The following TOMM20L variants were observed in gnomAD, a reference collection of about 807,000 sequenced individuals.
TOMM20L encodes the protein translocase of outer mitochondrial membrane 20 like, also known as TOMM20-like protein 1.
In TOMM20L, 19 loss-of-function variants were observed where a neutral mutation model predicts 20.4. The observed-to-expected ratio is 0.93, with a 90% CI of 0.65 to 1.36. The LOEUF (loss-of-function observed/expected upper bound fraction) is 1.36, where lower values mean the gene tolerates loss of function less well. TOMM20L is among the 40% of genes most tolerant of loss of function. The pLI is 0.00. For synonymous variants in TOMM20L, 75 were observed against 79.6 expected (o/e 0.94, Z 0.30); for missense variants, 218 against 203.7 (o/e 1.07, Z -0.43).
In TOMM20L at chr14:58,395,962, C is replaced by CCTCCGTCCG; in HGVS notation, c.10_18dup (p.Val4_Ser6dup). On this transcript the variant is annotated inframe_insertion, in exon 1 of 5. Coordinates refer to ENST00000360945, the MANE Select transcript of TOMM20L (RefSeq NM_207377.3). ...TTGTGGGACGCCCGCGGTCGGATGC[C>CCTCCGTCCG]CTCCGTCCGCTCCCTCCTCCGCCTC... 1 of 1,438,462 alleles carries CCTCCGTCCG rather than the reference C, an allele frequency of 7.0e-7. No individual in the cohort carries two copies. 89.1% of individuals were successfully genotyped at this position (1,438,462 alleles called of 1,614,324 possible).
intron 2 of TOMM20L, among the ~76,000 whole-genome samples, chr14:58,400,808 G>A (rs1220370156): frequency 3.3e-5 from 5 of 151,600 alleles, no homozygotes; most frequent in African/African-American, 1.2e-4. Context: ...AACCCGAGAG[G>A]CAGAGGTTGC....
chr14:58,401,855 C>T (rs1022740927), intron 2 of TOMM20L, among the ~76,000 whole-genome samples: 3 of 152,198 alleles, frequency 2.0e-5, no homozygotes, highest in Non-Finnish European at 2.9e-5. Context: ...CAACCCCCAA[C>T]CAGGTCCTTT....
Position 58,396,346 on chromosome 14 carries a change from A to G in TOMM20L, c.180+5A>G, listed in dbSNP as rs1174548631. On this transcript the variant is annotated splice_donor_5th_base_variant and intron_variant, in intron 2 of 4. Coordinates refer to ENST00000360945, the MANE Select transcript of TOMM20L (RefSeq NM_207377.3). ...GCTGAGGAGCAGGGCACGCAGGTGCAGTGCTTTCGATCCGCACAGGTAGCT... is the reference window on the plus strand; with the variant it reads ...GCTGAGGAGCAGGGCACGCAGGTGCGGTGCTTTCGATCCGCACAGGTAGCT... 5 of 1,613,198 alleles carry G rather than the reference A, an allele frequency of 3.1e-6. No individual in the cohort carries two copies. In the African/African-American group the frequency reaches 4.0e-5, roughly 13 times the overall value.
chr14:58,413,833 C>A, the TOMM20L span, among the ~76,000 whole-genome samples: 1 of 150,748 alleles, frequency 6.6e-6, no homozygotes, highest in African/African-American at 2.4e-5. Context: ...CAGTGAAACC[C>A]CGTCTTTACT....
intron 2 of TOMM20L, chr14:58,399,000 A>G (rs925987356): frequency 6.6e-6 from 1 of 151,904 alleles, no homozygotes; most frequent in Non-Finnish European, 1.5e-5. Context: ...TGATTCTCCC[A>G]CCTCAGTCTC....
rs2036100873 is a variant in TOMM20L at position 58,408,423 on chromosome 14, A to C, written c.406-106A>C. 4.5e-6 allele frequency: 5 copies of C among 1,101,738 alleles called. No individual in the cohort carries two copies. In the East Asian group the frequency reaches 7.5e-5, roughly 17 times the overall value. The allele number at this position is 1,101,738 out of a possible 1,614,324, so 68.2% of individuals were successfully genotyped here. On this transcript the variant is annotated intron_variant, in intron 4 of 4. Coordinates refer to ENST00000360945, the MANE Select transcript of TOMM20L (RefSeq NM_207377.3). ...CGAAAGCAAAACTCCGTCTCAAAAA[A>C]AAAAAAAAAGAAAAGTATATGTAAT... is the stretch of plus-strand genomic sequence containing the variant.
At chr14:58,397,199 G>A (rs1435216098) in intron 2 of TOMM20L, among the ~76,000 whole-genome samples, 1 of 152,238 alleles carries the variant, frequency 6.6e-6, no homozygotes, top group Non-Finnish European at 1.5e-5. Context: ...ACGTCTGTGT[G>A]ATCTGGGATT....
rs553829248 is a variant in TOMM20L, at chr14:58,400,844, C to G, written c.181-1836C>G. On this transcript the variant is annotated intron_variant, in intron 2 of 4. Transcript: ENST00000360945. Reference sequence around the variant, plus strand: ...AGTGAGTCAAGACTGCACCACTGCACTCCAGCTTGGGCAACAGAGCAAGAC... The same window carrying G: ...AGTGAGTCAAGACTGCACCACTGCAGTCCAGCTTGGGCAACAGAGCAAGAC... Among the ~76,000 whole-genome samples, 89 of 152,292 alleles carry G rather than the reference C, an allele frequency of 5.8e-4. 2 individuals are homozygous for G. Among genetic ancestry groups the G allele is most frequent in the African/African-American group, 2.1e-3 (89 of 41,572 alleles).
intron 3 of TOMM20L, among the ~76,000 whole-genome samples, chr14:58,404,099 G>GTATATA (rs1491246989): frequency 2.2e-4 from 5 of 22,926 alleles, no homozygotes; most frequent in Admixed American, 9.4e-4. Context: ...ACATATATAT[G>GTATATA]TATATATATA....
At chr14:58,401,367 C>T (rs959746267) in intron 2 of TOMM20L, among the ~76,000 whole-genome samples, 5 of 151,916 alleles carry the variant, frequency 3.3e-5, no homozygotes, top group Admixed American at 6.6e-5. Flanking sequence ...GTCAGGAGAT[C>T]GAGACCATCC....
chr14:58,410,942 C>A, downstream of TOMM20L: 1 of 1,597,972 alleles, frequency 6.3e-7, no homozygotes, highest in Non-Finnish European at 8.5e-7. Flanking sequence ...CCTTAAACTA[C>A]AAACAAACCA....
chr14:58,413,843 TA>T, the TOMM20L span, among the ~76,000 whole-genome samples: 1 of 150,526 alleles, frequency 6.6e-6, no homozygotes, highest in South Asian at 2.1e-4. Flanking sequence ...CCGTCTTTAC[TA>T]AAAATACAAA....
chr14:58,406,544 G>A (rs1595000558), intron 3 of TOMM20L, among the ~76,000 whole-genome samples: 1 of 152,004 alleles, frequency 6.6e-6, no homozygotes, highest in Non-Finnish European at 1.5e-5. Flanking sequence ...TGTGATTACC[G>A]AATACCTGAA....
At position 58,408,050 on chromosome 14, in the gene TOMM20L, T is replaced by C. The variant is rs140131283; in HGVS notation, c.406-479T>C. ...AACACAAACATGAACTCCATTACAG[T>C]ATAACAGTCAACTCTTAAACATTCC... On this transcript the variant is annotated intron_variant, in intron 4 of 4. Coordinates refer to ENST00000360945, the MANE Select transcript of TOMM20L (RefSeq NM_207377.3). Among the ~76,000 whole-genome samples, 291 of 152,322 alleles carry C rather than the reference T, an allele frequency of 1.9e-3. 1 individual carries two copies. Among genetic ancestry groups the C allele is most frequent in the Non-Finnish European group, 3.2e-3 (219 of 68,032 alleles).
At chr14:58,398,723 G>A (rs1485711034) in intron 2 of TOMM20L, 1 of 150,292 alleles carries the variant, frequency 6.7e-6, no homozygotes, top group African/African-American at 2.4e-5. Flanking sequence ...TTCATATTAA[G>A]CCATAACTAA....
intron 2 of TOMM20L, among the ~76,000 whole-genome samples, chr14:58,399,782 T>C (rs1020312261): frequency 4.5e-4 from 68 of 151,110 alleles, no homozygotes; most frequent in African/African-American, 1.5e-3. Context: ...ATGATGCTCC[T>C]GGTATCACTA....
At chr14:58,409,507 G>A (rs915394335), downstream of TOMM20L, among the ~76,000 whole-genome samples, 1 of 152,148 alleles carries the variant, frequency 6.6e-6, no homozygotes, top group Non-Finnish European at 1.5e-5. Context: ...AGACCCAGTA[G>A]TAAGTTTGTT....
chr14:58,400,607 C>T (rs1200487781), intron 2 of TOMM20L, among the ~76,000 whole-genome samples: 3 of 152,060 alleles, frequency 2.0e-5, no homozygotes, highest in South Asian at 2.1e-4. Context: ...ATGGCCGGCG[C>T]GGTGGCTCAG....
chr14:58,406,704 T>G (rs2036063052), intron 3 of TOMM20L, among the ~76,000 whole-genome samples: 2 of 152,230 alleles, frequency 1.3e-5, no homozygotes, highest in Non-Finnish European at 2.9e-5. Context: ...TCATTCCATG[T>G]TCTAACTTAA....
Sources: gnomAD v4.1 joint callset for allele counts (sites outside exome capture counted in the v4.1 genomes callset) on GRCh38, gnomAD v4.1.1 for gene constraint, MANE v1.5 for transcripts, NCBI Gene and HGNC (gene_info 2026-07-23, HGNC 2026-07-21) for gene names.